NSMAF: variants seen among roughly 807,000 people sequenced by gnomAD.
The protein encoded by NSMAF is protein FAN.
NSMAF carries 90 observed loss-of-function variants against 134.9 expected under a neutral mutation model. The observed-to-expected ratio is 0.67, with a 90% confidence interval of 0.56 to 0.79. The LOEUF (loss-of-function observed/expected upper bound fraction) is 0.79, where lower values mean the gene tolerates loss of function less well. Among genes scored for constraint, NSMAF ranks in the 30% least tolerant of loss-of-function variants. The pLI is 0.00. For missense variants in NSMAF, 1,010 were observed against 1,119.0 expected (o/e 0.90, Z 1.39); for synonymous variants, 358 against 389.6 (o/e 0.92, Z 0.96).
intron 20 of NSMAF, 42 bp from the exon 21 acceptor site, chr8:58,597,592 C>CGAGTTCCTT: frequency 2.5e-6 from 4 of 1,594,962 alleles, no homozygotes; most frequent in Non-Finnish European, 2.6e-6. Context: ...CCACTAGGTT[C>CGAGTTCCTT]GAGTTCCTTG....
At position 58,616,874 on chromosome 8, in the gene NSMAF, A is replaced by G. The variant is rs139716198; in HGVS notation, c.557+6346T>C. Among the ~76,000 whole-genome samples the G allele has an allele frequency of 4.1e-4, 63 of 152,348 alleles. 4 individuals are homozygous for G. In the East Asian group the frequency reaches 0.012, roughly 29 times the overall value. ...CTCTAAGACTAATGAGTGAATTTAG[A>G]AGAGTCATAGTATACAAGGCCAATT... On this transcript the variant is annotated intron_variant, in intron 9 of 30. Coordinates refer to ENST00000038176, the MANE Select transcript of NSMAF (RefSeq NM_003580.4).
chr8:58,659,508 C>T (rs1238695491), intron 1 of NSMAF, 65 bp downstream of exon 1: 1 of 1,508,216 alleles, frequency 6.6e-7, no homozygotes, highest in East Asian at 2.8e-5. Flanking sequence ...AGATCTCCGG[C>T]CGGCGTCCCC....
At chr8:58,659,517 C>G (rs945502941) in intron 1 of NSMAF, 56 bp downstream of exon 1, 1 of 1,514,848 alleles carries the variant, frequency 6.6e-7, no homozygotes, top group East Asian at 2.7e-5. Flanking sequence ...GCCGGCGTCC[C>G]CACGACCGGC....
rs1380384543 is a variant in NSMAF, at chr8:58,644,423, GT to G, written c.60-1351del. 2.0e-5 allele frequency among the ~76,000 whole-genome samples: 3 copies of G among 152,294 alleles called. No individual in the cohort carries two copies. In the South Asian group the frequency reaches 6.2e-4, roughly 32 times the overall value. On this transcript the variant is annotated intron_variant, in intron 1 of 30. Transcript: ENST00000038176. ...GAAGGCACCACTCAGGAGAAAACCA[GT>G]TCAAGTCACCGGACTTCCAAAAAGT... is the stretch of plus-strand genomic sequence containing the variant.
intron 1 of NSMAF, among the ~76,000 whole-genome samples, chr8:58,654,278 T>C (rs537494018): frequency 1.3e-5 from 2 of 152,294 alleles, no homozygotes; most frequent in Admixed American, 1.3e-4. Context: ...ATAGACACAA[T>C]TGATTAAACA....
rs1439463471 is a variant in NSMAF, at chr8:58,601,532, G to A, written c.1129C>T (p.Arg377Cys). The change falls in exon 15 of 31, where the codon CGC becomes TGC. Residue 377 changes from arginine to cysteine, a missense_variant. Transcript: ENST00000038176. Reference protein sequence around the residue: ...NKERLERLLTRYQEMPEPKFM... With the variant: ...NKERLERLLTCYQEMPEPKFM... ...TTTGGTTCAGGCATTTCCTGGTAGC[G>A]TGTCTAGAATACAGAAAAAAAAAAA... 8.9e-6 allele frequency: 14 copies of A among 1,568,588 alleles called. No individual in the cohort carries two copies. Among genetic ancestry groups the A allele is most frequent in the South Asian group, 2.3e-5 (2 of 88,330 alleles).
At position 58,601,174 on chromosome 8, in the gene NSMAF, A is replaced by AT. The variant is rs1016883449; in HGVS notation, c.1280+110dup. 20 of 914,910 alleles carry AT rather than the reference A, an allele frequency of 2.2e-5. No homozygotes were observed. The South Asian group carries it at 3.0e-4, about 14-fold the overall frequency. 56.7% of individuals were successfully genotyped at this position (914,910 alleles called of 1,614,324 possible). A position where few individuals can be genotyped will look rare whatever the true frequency, so the allele number is the denominator to read the frequency against. ...AGAGGAATAGATAGAACAATTAGTG[A>AT]TTTTTTACATTTCTTTACTTTTTTA... On this transcript the variant is annotated intron_variant, in intron 16 of 30. Coordinates refer to ENST00000038176, the MANE Select transcript of NSMAF (RefSeq NM_003580.4).
intron 7 of NSMAF, 141 bp from the exon 8 acceptor site, chr8:58,623,565 T>C (rs932433163): frequency 3.8e-5 from 40 of 1,064,936 alleles, no homozygotes; most frequent in Non-Finnish European, 4.7e-5. Flanking sequence ...TCCTAATATA[T>C]AGTTTTTAAA....
chr8:58,636,246 C>A (rs187978409), intron 2 of NSMAF, among the ~76,000 whole-genome samples: 247 of 152,292 alleles, frequency 1.6e-3, no homozygotes, highest in African/African-American at 5.8e-3. Flanking sequence ...TTGTGTATAA[C>A]CCCCTGGGAC....
At chr8:58,659,278 C>T (rs926858571) in intron 1 of NSMAF, 4 of 1,514,466 alleles carry the variant, frequency 2.6e-6, no homozygotes, top group African/African-American at 2.9e-5. Context: ...CCCGCGGCCG[C>T]CGGGACCTGC....
intron 9 of NSMAF, among the ~76,000 whole-genome samples, chr8:58,613,964 AG>A (rs1454628332): frequency 1.3e-5 from 2 of 152,190 alleles, no homozygotes; most frequent in Non-Finnish European, 2.9e-5. Flanking sequence ...TGTTTGAATT[AG>A]GGACACTCAA....
chr8:58,602,074 C>A lies in NSMAF; in HGVS notation c.1109G>T (p.Arg370Leu), dbSNP rs755775283. The A allele has an allele frequency of 6.2e-7, 1 of 1,613,272 alleles. No homozygotes were observed. Among genetic ancestry groups the A allele is most frequent in the South Asian group, 1.1e-5 (1 of 91,054 alleles). The change falls in exon 14 of 31, where the codon CGG becomes CTG. Residue 370 changes from arginine to leucine, a missense_variant. Physicochemically the swap from Arg to Leu is moderately radical, Grantham distance 102. Transcript: ENST00000038176. ...TCCACATACCAGTAGTCTCTCCAGC[C>A]GTTCCTTATTTAGGGCCCCTACTGG... ...SKPVGALNKE[R>L]LERLLTRYQE... is the part of the protein sequence containing the mutation.
chr8:58,593,866 G>A (rs957744696), intron 23 of NSMAF, among the ~76,000 whole-genome samples: 44 of 152,126 alleles, frequency 2.9e-4, no homozygotes, highest in Admixed American at 2.4e-3. Context: ...GCATTTCCAC[G>A]TGCTGACAGG....
At chr8:58,598,708 C>G (rs1806199681) in intron 19 of NSMAF, among the ~76,000 whole-genome samples, 1 of 152,104 alleles carries the variant, frequency 6.6e-6, no homozygotes, top group African/African-American at 2.4e-5. Flanking sequence ...AAAAGTCCTC[C>G]CTCCTTGTCA....
At chr8:58,652,528 GC>G (rs1807609375) in intron 1 of NSMAF, among the ~76,000 whole-genome samples, 1 of 152,192 alleles carries the variant, frequency 6.6e-6, no homozygotes, top group Non-Finnish European at 1.5e-5. Context: ...GGATGAGTGA[GC>G]CAAGGTTCCA....
Position 58,655,164 on chromosome 8 carries a change from G to A in NSMAF, c.59+4409C>T, listed in dbSNP as rs186087964. On this transcript the variant is annotated intron_variant, in intron 1 of 30. Coordinates refer to ENST00000038176, the MANE Select transcript of NSMAF (RefSeq NM_003580.4). Reference sequence around the variant, plus strand: ...TATTTATTTTTTAAATAGAGAAAAGGTCTCCCTATGTTGCCCAGGCTGGTC... The same window carrying A: ...TATTTATTTTTTAAATAGAGAAAAGATCTCCCTATGTTGCCCAGGCTGGTC... Among the ~76,000 whole-genome samples the A allele has an allele frequency of 3.0e-4, 46 of 152,098 alleles. No homozygotes were observed. The East Asian group carries it at 7.5e-3, about 25-fold the overall frequency.
At chr8:58,620,150 G>A in intron 9 of NSMAF, among the ~76,000 whole-genome samples, 1 of 152,154 alleles carries the variant, frequency 6.6e-6, no homozygotes, top group East Asian at 1.9e-4. Context: ...TAGAACAGGA[G>A]AAGTGTACTC....
At chr8:58,601,259 T>C (rs1806271742) in intron 16 of NSMAF, 26 bp downstream of exon 16, 1 of 1,584,118 alleles carries the variant, frequency 6.3e-7, no homozygotes, top group African/African-American at 1.3e-5. Flanking sequence ...GTGTTAAAAA[T>C]GATAAGCAAG....
chr8:58,594,288 G>A lies in NSMAF; in HGVS notation c.1895C>T (p.Ala632Val). ...GCGAGAGACCGTGATTCCAGTAACT[G>A]CTCTGCTCAAAAACAAAGTTTCACA... ...LHEHYKIHKEAVTGITVSRNG... is the reference protein window; with the variant it reads ...LHEHYKIHKEVVTGITVSRNG... Residue 632 changes from alanine to valine, a missense_variant and splice_region_variant, in exon 23 of 31, where the codon GCA (alanine) becomes GTA (valine). Physicochemically the swap from Ala to Val is moderately conservative, Grantham distance 64. Transcript: ENST00000038176. 6.2e-7 allele frequency: 1 copy of A among 1,613,730 alleles called. No homozygotes were observed. Among genetic ancestry groups the A allele is most frequent in the South Asian group, 1.1e-5 (1 of 91,076 alleles).
Sources: allele counts gnomAD v4.1 joint callset (sites outside exome capture counted in the v4.1 genomes callset), GRCh38; gene constraint gnomAD v4.1.1; transcripts MANE v1.5; gene names NCBI Gene and HGNC (gene_info 2026-07-23, HGNC 2026-07-21).